Variants in AOPEP observed in about 807,000 individuals in gnomAD.
AOPEP encodes the protein aminopeptidase O.
In AOPEP, 77 loss-of-function variants were observed where a neutral mutation model predicts 98.1. That is an observed-to-expected ratio of 0.78 (90% CI 0.65 to 0.95). AOPEP has a LOEUF of 0.95. Among genes scored for constraint, AOPEP ranks in the 40% least tolerant of loss-of-function variants. The probability of loss-of-function intolerance (pLI) is 0.00; values close to 1 mark genes in which losing one functional copy is unlikely to be tolerated. For synonymous variants in AOPEP, 346 were observed against 365.3 expected (o/e 0.95, Z 0.60); for missense variants, 1,024 against 1,024.7 (o/e 1.00, Z 0.01).
chr9:94,730,239 G>A (rs1355924511), intron 1 of AOPEP, among the ~76,000 whole-genome samples: 3 of 149,022 alleles, frequency 2.0e-5, no homozygotes, highest in African/African-American at 7.5e-5. Flanking sequence ...AGCCGAGTTT[G>A]CGCCACTGCA....
At chr9:94,747,740 C>T (rs567040967) in intron 1 of AOPEP, among the ~76,000 whole-genome samples, 36 of 152,144 alleles carry the variant, frequency 2.4e-4, no homozygotes, top group South Asian at 1.7e-3. Context: ...TTTAGCAAGT[C>T]GGGGAGATAT....
chr9:95,090,548 C>A (rs1336969788), downstream of AOPEP, among the ~76,000 whole-genome samples: 2 of 152,154 alleles, frequency 1.3e-5, no homozygotes, highest in African/African-American at 2.4e-5. Context: ...GAGGGCCCCC[C>A]CTTCGAAGGG....
At chr9:95,108,338 T>G in the AOPEP span, among the ~76,000 whole-genome samples, 2 of 152,308 alleles carry the variant, frequency 1.3e-5, no homozygotes, top group South Asian at 4.2e-4. Flanking sequence ...CGGCCCAGCC[T>G]GCCGGGTCTG....
At chr9:94,849,126 G>A (rs2043215641) in intron 5 of AOPEP, among the ~76,000 whole-genome samples, 1 of 152,224 alleles carries the variant, frequency 6.6e-6, no homozygotes, top group Non-Finnish European at 1.5e-5. Flanking sequence ...ATGCTAAAAT[G>A]GGGCAGGGGG....
chr9:94,976,300 A>G (rs983280825), intron 10 of AOPEP, among the ~76,000 whole-genome samples: 8 of 151,998 alleles, frequency 5.3e-5, no homozygotes, highest in Admixed American at 3.9e-4. Context: ...TCACTTAATA[A>G]CATTCCAGGG....
intron 13 of AOPEP, among the ~76,000 whole-genome samples, chr9:95,045,066 T>A (rs1267596570): frequency 6.6e-6 from 1 of 152,160 alleles, no homozygotes; most frequent in South Asian, 2.1e-4. Flanking sequence ...CGGTGCTGTT[T>A]CCTGACACCC....
At chr9:94,795,437 T>C (rs1846709708) in intron 4 of AOPEP, among the ~76,000 whole-genome samples, 2 of 152,196 alleles carry the variant, frequency 1.3e-5, no homozygotes, top group Non-Finnish European at 2.9e-5. Flanking sequence ...AGCCACACTT[T>C]CCTTATCTGT....
At chr9:94,730,944 A>AT (rs1482566600) in intron 1 of AOPEP, among the ~76,000 whole-genome samples, 1 of 152,328 alleles carries the variant, frequency 6.6e-6, no homozygotes, top group East Asian at 1.9e-4. Context: ...AAAAAAGACG[A>AT]TTAATTTGCT....
chr9:95,098,639 C>T, the AOPEP span, among the ~76,000 whole-genome samples: 1 of 152,176 alleles, frequency 6.6e-6, no homozygotes, highest in Non-Finnish European at 1.5e-5. Flanking sequence ...CCCAGAGGGG[C>T]CTGTGGGGCT....
intron 1 of AOPEP, among the ~76,000 whole-genome samples, chr9:94,738,144 A>G (rs1447665914): frequency 1.3e-5 from 2 of 152,194 alleles, no homozygotes; most frequent in Non-Finnish European, 2.9e-5. Flanking sequence ...AGCCTGTCTC[A>G]TAGCAAGCAG....
chr9:94,760,591 C>A lies in AOPEP; in HGVS notation c.797+11C>A. 1 of 1,528,802 alleles carries A rather than the reference C, an allele frequency of 6.5e-7. No homozygotes were observed. Among genetic ancestry groups the A allele is most frequent in the South Asian group, 1.3e-5 (1 of 75,616 alleles). The allele number at this position is 1,528,802 out of a possible 1,614,324, so 94.7% of individuals were successfully genotyped here. A position where few individuals can be genotyped will look rare whatever the true frequency, so the allele number is the denominator to read the frequency against. On this transcript the variant is annotated intron_variant, in intron 2 of 16. Transcript: ENST00000375315. ...AGACCAGAGTGGCAGGTAGGTTATCCAAGCACTTCAAAGCCCTGTGCCTGT... is the reference window on the plus strand; with the variant it reads ...AGACCAGAGTGGCAGGTAGGTTATCAAAGCACTTCAAAGCCCTGTGCCTGT...
At chr9:95,060,951 A>C (rs1267933788) in intron 14 of AOPEP, 141 bp downstream of exon 14, 1 of 648,938 alleles carries the variant, frequency 1.5e-6, no homozygotes, top group African/African-American at 1.8e-5. Context: ...GTGAAGAACT[A>C]AGTGCTTTAA....
rs75764547 is a variant in AOPEP, at chr9:94,805,509, A to G, written c.1364+4507A>G. On this transcript the variant is annotated intron_variant, in intron 5 of 16. Coordinates refer to ENST00000375315, the MANE Select transcript of AOPEP (RefSeq NM_001193329.3). Reference sequence around the variant, plus strand: ...GTTTTTTGTTTTTTTTTTTAAAAAAAGCAACAACAACTGAATGAAAATAGG... The same window carrying G: ...GTTTTTTGTTTTTTTTTTTAAAAAAGGCAACAACAACTGAATGAAAATAGG... Among the ~76,000 whole-genome samples, 12 of 152,078 alleles carry G rather than the reference A, an allele frequency of 7.9e-5. No homozygotes were observed. The East Asian group carries it at 1.9e-3, about 24-fold the overall frequency.
chr9:95,054,514 A>G (rs376490061), intron 13 of AOPEP, among the ~76,000 whole-genome samples: 47 of 152,368 alleles, frequency 3.1e-4, no homozygotes, highest in South Asian at 2.3e-3. Flanking sequence ...TAGGGGAATA[A>G]TAGCACGGGA....
At chr9:95,049,682 T>C (rs2066168027) in intron 13 of AOPEP, among the ~76,000 whole-genome samples, 1 of 152,210 alleles carries the variant, frequency 6.6e-6, no homozygotes, top group South Asian at 2.1e-4. Context: ...ATTCTAAAAC[T>C]TAACCATTTT....
chr9:94,880,136 C>T (rs1029861418), intron 5 of AOPEP, among the ~76,000 whole-genome samples: 2 of 152,126 alleles, frequency 1.3e-5, no homozygotes, highest in East Asian at 3.9e-4. Flanking sequence ...GCTGATTTAA[C>T]ATGCACATCG....
At chr9:95,011,972 A>G (rs1372493737) in intron 13 of AOPEP, among the ~76,000 whole-genome samples, 1 of 152,262 alleles carries the variant, frequency 6.6e-6, no homozygotes, top group Non-Finnish European at 1.5e-5. Context: ...GAATCTTTGA[A>G]TGGAACTATT....
chr9:95,073,542 T>C (rs1437786170), intron 14 of AOPEP, among the ~76,000 whole-genome samples: 13 of 146,774 alleles, frequency 8.9e-5, no homozygotes, highest in African/African-American at 3.5e-4. Context: ...CCCAGAAGGC[T>C]GGGCGCAGTG....
chr9:95,053,993 G>T lies in AOPEP; in HGVS notation c.2116-6701G>T, dbSNP rs552461380. Among the ~76,000 whole-genome samples, 4 of 152,288 alleles carry T rather than the reference G, an allele frequency of 2.6e-5. No individual in the cohort carries two copies. In the East Asian group the frequency reaches 7.7e-4, roughly 29 times the overall value. ...ACCTCCCAGAGTGCTGGGATTACAG[G>T]TGTGAGCTACCACTTGTGGCAAAAG... On this transcript the variant is annotated intron_variant, in intron 13 of 16. Transcript: ENST00000375315.
Sources: allele counts gnomAD v4.1 joint callset (sites outside exome capture counted in the v4.1 genomes callset), GRCh38; gene constraint gnomAD v4.1.1; transcripts MANE v1.5; gene names NCBI Gene and HGNC (gene_info 2026-07-23, HGNC 2026-07-21).